Variants in PRELID2 observed in about 807,000 individuals in gnomAD.
The protein encoded by PRELID2 is PRELI domain containing 2.
PRELID2 carries 25 observed loss-of-function variants against 28.4 expected under a neutral mutation model. That is an observed-to-expected ratio of 0.88 (90% CI 0.64 to 1.23). The LOEUF is 1.23. Ranked by LOEUF, PRELID2 falls within the 50% of genes most tolerant of loss-of-function variation. The probability of loss-of-function intolerance (pLI) is 0.00; values close to 1 mark genes in which losing one functional copy is unlikely to be tolerated. For missense variants in PRELID2, 201 were observed against 214.4 expected (o/e 0.94, Z 0.39); for synonymous variants, 76 against 71.6 (o/e 1.06, Z -0.31).
At chr5:145,831,876 G>A (rs1755613209) in intron 1 of PRELID2, among the ~76,000 whole-genome samples, 1 of 152,126 alleles carries the variant, frequency 6.6e-6, no homozygotes, top group South Asian at 2.1e-4. Context: ...ATTACAACAG[G>A]TTCTAACTGA....
At chr5:145,777,307 A>G (rs182948416) in intron 5 of PRELID2, among the ~76,000 whole-genome samples, 34 of 152,262 alleles carry the variant, frequency 2.2e-4, no homozygotes, top group Admixed American at 1.0e-3. Flanking sequence ...GGCTCAGGCA[A>G]TCCTCCCACC....
intron 1 of PRELID2, among the ~76,000 whole-genome samples, chr5:145,664,405 C>T (rs1189925599): frequency 6.6e-6 from 1 of 152,080 alleles, no homozygotes; most frequent in Non-Finnish European, 1.5e-5. Context: ...AACCTTAGCA[C>T]CCAAGAACTA....
chr5:145,472,369 T>C (rs1264880164), intron 2 of PRELID2, among the ~76,000 whole-genome samples: 2 of 152,138 alleles, frequency 1.3e-5, no homozygotes, highest in Non-Finnish European at 2.9e-5. Flanking sequence ...AGCACTATTA[T>C]CTTCATTTTT....
the PRELID2 span, among the ~76,000 whole-genome samples, chr5:145,422,864 T>G: frequency 6.6e-6 from 1 of 152,166 alleles, no homozygotes; most frequent in African/African-American, 2.4e-5. Context: ...GATTTTGCAG[T>G]GGCTGGTACC....
intron 5 of PRELID2, among the ~76,000 whole-genome samples, chr5:145,767,348 C>T (rs1276152700): frequency 2.6e-5 from 4 of 152,086 alleles, no homozygotes; most frequent in South Asian, 2.1e-4. Flanking sequence ...CTCCCCATCC[C>T]GCTGAGAGCC....
chr5:145,578,676 T>C (rs976115811), intron 1 of PRELID2, among the ~76,000 whole-genome samples: 1 of 152,114 alleles, frequency 6.6e-6, no homozygotes, highest in African/African-American at 2.4e-5. Flanking sequence ...GACGTTCTAA[T>C]GCTTCATACT....
the PRELID2 span, among the ~76,000 whole-genome samples, chr5:145,366,836 A>G: frequency 1.3e-5 from 2 of 151,912 alleles, no homozygotes; most frequent in East Asian, 3.9e-4. Flanking sequence ...ATTTTCTACA[A>G]TCTCAAGGAA....
chr5:145,572,529 CATT>C (rs1408766628), intron 1 of PRELID2, among the ~76,000 whole-genome samples: 9 of 152,290 alleles, frequency 5.9e-5, no homozygotes, highest in African/African-American at 1.9e-4. Context: ...TGTTAACTAT[CATT>C]ATCATAATTA....
intron 1 of PRELID2, among the ~76,000 whole-genome samples, chr5:145,488,685 C>T (rs140250669): frequency 2.5e-4 from 38 of 152,288 alleles, no homozygotes; most frequent in African/African-American, 8.7e-4. Context: ...GTGTAATCTG[C>T]TTGGTGGGTT....
At chr5:145,713,443 CATATAT>C (rs1299153017) in intron 1 of PRELID2, among the ~76,000 whole-genome samples, 3 of 138,428 alleles carry the variant, frequency 2.2e-5, no homozygotes, top group East Asian at 2.0e-4. Flanking sequence ...TATATATATA[CATATAT>C]ATGTATACTT....
intron 1 of PRELID2, among the ~76,000 whole-genome samples, chr5:145,547,282 A>T (rs1389158632): frequency 1.3e-5 from 2 of 152,140 alleles, no homozygotes; most frequent in Non-Finnish European, 2.9e-5. Context: ...CTTTTCTGTT[A>T]TTATAGATCA....
intron 1 of PRELID2, among the ~76,000 whole-genome samples, chr5:145,823,767 A>G (rs887404995): frequency 4.6e-5 from 7 of 152,242 alleles, no homozygotes; most frequent in Non-Finnish European, 8.8e-5. Context: ...AATATTTAAC[A>G]TGTTAATTTA....
At chr5:145,805,408 C>T (rs1753428453) in intron 4 of PRELID2, among the ~76,000 whole-genome samples, 1 of 152,142 alleles carries the variant, frequency 6.6e-6, no homozygotes, top group Non-Finnish European at 1.5e-5. Context: ...TGTATGCTTA[C>T]CACTGGGACC....
intron 1 of PRELID2, among the ~76,000 whole-genome samples, chr5:145,733,209 C>G (rs1004808172): frequency 2.0e-5 from 3 of 151,968 alleles, no homozygotes; most frequent in Admixed American, 2.0e-4. Flanking sequence ...CTGCAGTGAG[C>G]TGTGATCATG....
chr5:145,491,621 T>C (rs917600282), intron 1 of PRELID2, among the ~76,000 whole-genome samples: 5 of 152,152 alleles, frequency 3.3e-5, no homozygotes, highest in African/African-American at 4.8e-5. Flanking sequence ...ACTATAGTTA[T>C]CATATTGTAC....
At chr5:145,296,325 A>C in the PRELID2 span, among the ~76,000 whole-genome samples, 2 of 150,402 alleles carry the variant, frequency 1.3e-5, no homozygotes, top group Admixed American at 6.6e-5. Context: ...ATATCTCCTA[A>C]AGCTATCCTT....
At chr5:145,409,732 T>C in the PRELID2 span, among the ~76,000 whole-genome samples, 6 of 127,680 alleles carry the variant, frequency 4.7e-5, no homozygotes, top group Non-Finnish European at 9.7e-5. Context: ...GCTAACAAGG[T>C]GAAACCCCAT....
At position 145,724,600 on chromosome 5, in the gene PRELID2, A is replaced by AATATATATATATATATAT. The variant is rs59677300; in HGVS notation, n.70+40313_70+40330dup. Reference sequence around the variant, plus strand: ...ACACTGAAATAACAAGAAGTAAATAAATATATATATATATATATATATATA... The same window carrying AATATATATATATATATAT: ...ACACTGAAATAACAAGAAGTAAATAAATATATATATATATATATATATATATATATATATATATATATA... On this transcript the variant is annotated intron_variant and non_coding_transcript_variant, in intron 1 of 2. Transcript: ENST00000510259. 7.3e-4 allele frequency among the ~76,000 whole-genome samples: 18 copies of AATATATATATATATATAT among 24,754 alleles called. 2 individuals are homozygous for AATATATATATATATATAT. Among genetic ancestry groups the AATATATATATATATATAT allele is most frequent in the Non-Finnish European group, 1.1e-3 (12 of 10,486 alleles). 16.2% of individuals were successfully genotyped at this position (24,754 alleles called of 152,430 possible).
At chr5:145,807,482 C>T (rs1255436127) in intron 4 of PRELID2, among the ~76,000 whole-genome samples, 1 of 152,022 alleles carries the variant, frequency 6.6e-6, no homozygotes, top group Non-Finnish European at 1.5e-5. Context: ...TATTTTTTAT[C>T]TTATTAAGTC....
Sources: gnomAD v4.1 joint callset for allele counts (sites outside exome capture counted in the v4.1 genomes callset) on GRCh38, gnomAD v4.1.1 for gene constraint, MANE v1.5 for transcripts, NCBI Gene and HGNC (gene_info 2026-07-23, HGNC 2026-07-21) for gene names.